Variants in ZNF33A observed in about 807,000 individuals in gnomAD.
The protein encoded by ZNF33A is brain my041 protein.
A neutral mutation model predicts 15.9 loss-of-function variants in ZNF33A; 9 were observed. The observed-to-expected ratio is 0.57, with a 90% CI of 0.34 to 0.99. The LOEUF is 0.99. Ranked by LOEUF, ZNF33A falls within the 50% of genes least tolerant of loss-of-function variation. The pLI, the probability that ZNF33A is intolerant of heterozygous loss-of-function variation, is 0.02. For synonymous variants in ZNF33A, 294 were observed against 324.2 expected (o/e 0.91, Z 1.00); for missense variants, 843 against 941.6 (o/e 0.90, Z 1.37).
chr10:38,021,241 AG>A (rs1269331956), intron 4 of ZNF33A, among the ~76,000 whole-genome samples: 11 of 152,256 alleles, frequency 7.2e-5, no homozygotes, highest in African/African-American at 2.7e-4. Context: ...ATTAGACAAA[AG>A]GAACATTATA....
chr10:38,059,091 A>G lies in ZNF33A; in HGVS notation c.*2531A>G, dbSNP rs887056226. 2.0e-5 allele frequency: 3 copies of G among 152,262 alleles called. No homozygotes were observed. The highest frequency in any genetic ancestry group is 2.9e-5 in the Non-Finnish European group (2 of 68,048). The allele number at this position is 152,262 out of a possible 1,614,324, so 9.4% of individuals were successfully genotyped here. ...ATATTCAGTGTAATCCATTGCATGC[A>G]TTAGCAGCTCAAAGATGAAATACGA... On this transcript the variant is annotated 3_prime_UTR_variant, in exon 5 of 5. Transcript: ENST00000432900.
intron 4 of ZNF33A, among the ~76,000 whole-genome samples, chr10:38,045,317 A>G (rs2065900012): frequency 6.6e-6 from 1 of 152,166 alleles, no homozygotes; most frequent in African/African-American, 2.4e-5. Context: ...AGTGGTGTTA[A>G]CAGTGCTCTC....
chr10:38,010,625 A>C (rs11011423), upstream of ZNF33A: 488 of 1,342,150 alleles, frequency 3.6e-4, 4 homozygotes, highest in East Asian at 8.9e-3. Flanking sequence ...CAACAGCATC[A>C]AGCTGTGCGC....
At chr10:38,017,689 G>A (rs1212900714) in intron 4 of ZNF33A, 4 of 220,358 alleles carry the variant, frequency 1.8e-5, no homozygotes. Context: ...AGCACTTTCA[G>A]TGTCCTACCT....
intron 4 of ZNF33A, among the ~76,000 whole-genome samples, chr10:38,044,315 C>A (rs1331847734): frequency 1.1e-4 from 17 of 150,536 alleles, no homozygotes; most frequent in Non-Finnish European, 2.1e-4. Context: ...TCATGCAATT[C>A]TCTTGCCTCA....
intron 4 of ZNF33A, among the ~76,000 whole-genome samples, chr10:38,036,375 T>C (rs1321759659): frequency 6.6e-6 from 1 of 151,922 alleles, no homozygotes; most frequent in Non-Finnish European, 1.5e-5. Flanking sequence ...AACGCAGAGG[T>C]TGCAGTGAGC....
Position 38,056,781 on chromosome 10 carries a change from T to A in ZNF33A, c.*221T>A. 3 of 1,210,236 alleles carry A rather than the reference T, an allele frequency of 2.5e-6. No individual in the cohort carries two copies. Among genetic ancestry groups the A allele is most frequent in the South Asian group, 7.9e-5 (2 of 25,220 alleles). 75.0% of individuals were successfully genotyped at this position (1,210,236 alleles called of 1,614,324 possible). A position where few individuals can be genotyped will look rare whatever the true frequency, so the allele number is the denominator to read the frequency against. ...AGAATTTACACTGAGGAGAAAATTG[T>A]CAATTTAAGAAATCTAAAGTGAAAA... On this transcript the variant is annotated 3_prime_UTR_variant, in exon 5 of 5. Transcript: ENST00000432900.
intron 4 of ZNF33A, among the ~76,000 whole-genome samples, chr10:38,050,660 T>C (rs566017026): frequency 9.9e-5 from 15 of 152,274 alleles, no homozygotes; most frequent in African/African-American, 3.6e-4. Flanking sequence ...TTTGTCTGCA[T>C]TGGTTGCAGC....
chr10:38,063,166 A>G (rs1019646197), downstream of ZNF33A, among the ~76,000 whole-genome samples: 1 of 152,158 alleles, frequency 6.6e-6, no homozygotes, highest in Admixed American at 6.5e-5. Context: ...TTGCAGATAC[A>G]AGCTATGAAC....
chr10:38,049,574 T>C (rs2066103788), intron 4 of ZNF33A, among the ~76,000 whole-genome samples: 1 of 152,140 alleles, frequency 6.6e-6, no homozygotes, highest in Non-Finnish European at 1.5e-5. Flanking sequence ...ATATAGGGAA[T>C]TTCATATGTG....
intron 4 of ZNF33A, among the ~76,000 whole-genome samples, chr10:38,040,854 G>C (rs1219083168): frequency 6.6e-6 from 1 of 152,076 alleles, no homozygotes; most frequent in Admixed American, 6.6e-5. Context: ...CTTTTCAATA[G>C]GTTTATTGGG....
chr10:38,020,562 A>G (rs1478453096), intron 4 of ZNF33A, among the ~76,000 whole-genome samples: 3 of 152,078 alleles, frequency 2.0e-5, no homozygotes, highest in Admixed American at 6.6e-5. Flanking sequence ...CACCTCCATG[A>G]GTTCAGTTAT....
intron 4 of ZNF33A, among the ~76,000 whole-genome samples, chr10:38,043,509 TA>T (rs150377453): frequency 1.3e-4 from 19 of 149,332 alleles, no homozygotes; most frequent in African/African-American, 4.2e-4. Context: ...ATAATAAAAT[TA>T]AAAAAAAAAT....
At chr10:38,021,884 A>G (rs149984271) in intron 4 of ZNF33A, among the ~76,000 whole-genome samples, 1 of 152,324 alleles carries the variant, frequency 6.6e-6, no homozygotes, top group East Asian at 1.9e-4. Flanking sequence ...CAGACTTCTA[A>G]ATAAAGTCTG....
At chr10:38,010,574 T>C (rs1459319831), upstream of ZNF33A, 10 of 879,380 alleles carry the variant, frequency 1.1e-5, no homozygotes, top group Admixed American at 8.6e-5. Flanking sequence ...GAAGGGCTGC[T>C]CGCCCGGCCT....
chr10:38,067,686 G>A (rs763577107), downstream of ZNF33A, among the ~76,000 whole-genome samples: 16 of 143,594 alleles, frequency 1.1e-4, no homozygotes, highest in Non-Finnish European at 2.3e-4. Context: ...ATTAGAAAGG[G>A]TGATAGCCTT....
chr10:38,053,460 C>T (rs1590695421), intron 4 of ZNF33A, among the ~76,000 whole-genome samples: 1 of 152,106 alleles, frequency 6.6e-6, no homozygotes, highest in Non-Finnish European at 1.5e-5. Context: ...TTGTGTCTTA[C>T]CCTTATGACC....
chr10:38,062,544 A>G (rs887519098), downstream of ZNF33A, among the ~76,000 whole-genome samples: 1 of 152,182 alleles, frequency 6.6e-6, no homozygotes, highest in African/African-American at 2.4e-5. Flanking sequence ...GTGTATGGGC[A>G]TGCAGCCTCT....
intron 4 of ZNF33A, among the ~76,000 whole-genome samples, chr10:38,052,886 T>C (rs2066271496): frequency 6.6e-6 from 1 of 151,922 alleles, no homozygotes; most frequent in African/African-American, 2.4e-5. Context: ...TCAGGTCTTT[T>C]ATTTTTGGAC....
Sources: gnomAD v4.1 joint callset for allele counts (sites outside exome capture counted in the v4.1 genomes callset) on GRCh38, gnomAD v4.1.1 for gene constraint, MANE v1.5 for transcripts, NCBI Gene and HGNC (gene_info 2026-07-23, HGNC 2026-07-21) for gene names.